PRKG1: variants seen among roughly 807,000 people sequenced by gnomAD.
PRKG1 encodes the protein cGMP-dependent protein kinase 1.
Under a neutral mutation model 88.1 loss-of-function variants are expected in PRKG1, and 35 were observed. The observed-to-expected ratio is 0.40, with a 90% CI of 0.30 to 0.53. The LOEUF is 0.53. Among genes scored for constraint, PRKG1 ranks in the 20% least tolerant of loss-of-function variants. The pLI, the probability that PRKG1 is intolerant of heterozygous loss-of-function variation, is 0.59. For missense variants in PRKG1, 540 were observed against 839.8 expected (o/e 0.64, Z 4.41); for synonymous variants, 303 against 292.5 (o/e 1.04, Z -0.37).
chr10:51,207,506 T>TTA (rs113457113), intron 2 of PRKG1, among the ~76,000 whole-genome samples: 3,038 of 151,492 alleles, frequency 0.02, 46 homozygotes, highest in Middle Eastern at 0.051. Flanking sequence ...CTTATTATTA[T>TTA]TTTTTTTTAA....
chr10:51,645,550 CTAAT>C (rs1839896816), intron 3 of PRKG1, among the ~76,000 whole-genome samples: 1 of 152,098 alleles, frequency 6.6e-6, no homozygotes, highest in Non-Finnish European at 1.5e-5. Context: ...CACCATTTTT[CTAAT>C]TAGAGTGTGA....
chr10:52,161,830 A>C, intron 8 of PRKG1, 59 bp from the exon 9 acceptor site: 1 of 1,392,588 alleles, frequency 7.2e-7, no homozygotes, highest in Non-Finnish European at 1.0e-6. Context: ...ATCACTGACT[A>C]GGTTGCCATT....
chr10:51,295,087 A>AG (rs1281836680), intron 2 of PRKG1, among the ~76,000 whole-genome samples: 2 of 152,048 alleles, frequency 1.3e-5, no homozygotes, highest in South Asian at 2.1e-4. Flanking sequence ...TGTCTCTAAG[A>AG]GGAAAAAAAA....
chr10:52,052,919 C>A (rs1443314762), intron 5 of PRKG1, among the ~76,000 whole-genome samples: 1 of 152,110 alleles, frequency 6.6e-6, no homozygotes, highest in African/African-American at 2.4e-5. Context: ...CAGAGTGAGA[C>A]CCTGTCTTAA....
chr10:51,478,026 G>T (rs529145907), intron 3 of PRKG1, among the ~76,000 whole-genome samples: 1 of 151,940 alleles, frequency 6.6e-6, no homozygotes, highest in African/African-American at 2.4e-5. Flanking sequence ...GTATGACTTT[G>T]GTCTGTGAAG....
chr10:51,777,783 C>A (rs546184151), intron 3 of PRKG1, among the ~76,000 whole-genome samples: 2 of 152,278 alleles, frequency 1.3e-5, no homozygotes, highest in Non-Finnish European at 2.9e-5. Flanking sequence ...CACTCCCAAC[C>A]TCAACCCTTG....
At chr10:51,950,923 G>A (rs530089624) in intron 5 of PRKG1, among the ~76,000 whole-genome samples, 16 of 152,364 alleles carry the variant, frequency 1.1e-4, no homozygotes, top group African/African-American at 2.9e-4. Flanking sequence ...TGCAGAGAGC[G>A]GACGTGGGGG....
At chr10:51,094,946 A>G (rs982358386) in intron 1 of PRKG1, among the ~76,000 whole-genome samples, 38 of 152,298 alleles carry the variant, frequency 2.5e-4, no homozygotes, top group African/African-American at 8.9e-4. Flanking sequence ...AAATAACTTG[A>G]TCAAAGTCAC....
chr10:51,204,398 G>A (rs1332806918), intron 2 of PRKG1, among the ~76,000 whole-genome samples: 1 of 151,566 alleles, frequency 6.6e-6, no homozygotes, highest in African/African-American at 2.4e-5. Flanking sequence ...GTGTGTGTGT[G>A]TGTACACATT....
At chr10:51,225,814 A>C (rs921741438) in intron 2 of PRKG1, among the ~76,000 whole-genome samples, 6 of 152,348 alleles carry the variant, frequency 3.9e-5, no homozygotes, top group African/African-American at 1.2e-4. Context: ...CACAGAATAT[A>C]GAATAGTTGC....
intron 3 of PRKG1, among the ~76,000 whole-genome samples, chr10:51,654,421 A>G (rs1181802726): frequency 1.3e-5 from 2 of 152,114 alleles, no homozygotes; most frequent in Non-Finnish European, 2.9e-5. Context: ...TGTATTGGTT[A>G]CTGTAGCTTC....
intron 1 of PRKG1, among the ~76,000 whole-genome samples, chr10:51,061,388 G>A (rs910656957): frequency 1.3e-5 from 2 of 152,114 alleles, no homozygotes; most frequent in Non-Finnish European, 2.9e-5. Context: ...CACAACACGG[G>A]AATTATGGGA....
intron 8 of PRKG1, among the ~76,000 whole-genome samples, chr10:52,144,454 G>C (rs1012023049): frequency 6.6e-6 from 1 of 152,130 alleles, no homozygotes; most frequent in Admixed American, 6.6e-5. Context: ...ACTCAAACAG[G>C]CAGACTTTTA....
intron 2 of PRKG1, among the ~76,000 whole-genome samples, chr10:51,256,703 A>C (rs1455535523): frequency 6.6e-6 from 1 of 152,098 alleles, no homozygotes; most frequent in Non-Finnish European, 1.5e-5. Context: ...TAAGAAAGAA[A>C]AGTTAGATTT....
chr10:51,485,608 A>T (rs903473294), intron 3 of PRKG1, among the ~76,000 whole-genome samples: 1 of 152,218 alleles, frequency 6.6e-6, no homozygotes, highest in Non-Finnish European at 1.5e-5. Context: ...GAGAGGCAAG[A>T]TACTTAAGAA....
intron 3 of PRKG1, among the ~76,000 whole-genome samples, chr10:51,597,020 T>C (rs1044289825): frequency 3.3e-5 from 5 of 152,200 alleles, no homozygotes; most frequent in Non-Finnish European, 2.9e-5. Flanking sequence ...TTATCGTCCC[T>C]GTAACAAGCT....
At position 52,047,974 on chromosome 10, in the gene PRKG1, T is replaced by C. The variant is rs141599324; in HGVS notation, c.763-6510T>C. On this transcript the variant is annotated intron_variant, in intron 5 of 17. Transcript: ENST00000373980. ...TTCTGTTTCAAACATTTATTAGTCA[T>C]GCTTTAGTTGAGATGTACATGAGAT... is the stretch of plus-strand genomic sequence containing the variant. Among the ~76,000 whole-genome samples, 49 of 152,246 alleles carry C rather than the reference T, an allele frequency of 3.2e-4. No homozygotes were observed. The East Asian group carries it at 7.1e-3, about 22-fold the overall frequency.
At chr10:51,176,934 T>C (rs9414864) in intron 2 of PRKG1, among the ~76,000 whole-genome samples, 9,984 of 152,214 alleles carry the variant, frequency 0.066, 682 homozygotes, top group African/African-American at 0.17. Flanking sequence ...AATGTTCCAC[T>C]GGGAGCAAAA....
intron 5 of PRKG1, among the ~76,000 whole-genome samples, chr10:52,031,561 G>A (rs539570435): frequency 2.0e-5 from 3 of 152,252 alleles, no homozygotes; most frequent in East Asian, 3.9e-4. Flanking sequence ...GCATTACACT[G>A]TCATGAATAT....
Sources: gnomAD v4.1 joint callset for allele counts (sites outside exome capture counted in the v4.1 genomes callset) on GRCh38, gnomAD v4.1.1 for gene constraint, MANE v1.5 for transcripts, NCBI Gene and HGNC (gene_info 2026-07-23, HGNC 2026-07-21) for gene names.